Variants in EMSY observed in about 807,000 individuals in gnomAD.
EMSY encodes BRCA2-interacting transcriptional repressor EMSY.
In EMSY, 26 loss-of-function variants were observed where a neutral mutation model predicts 134.6. That is an observed-to-expected ratio of 0.19 (90% CI 0.14 to 0.27). The LOEUF is 0.27. Among genes scored for constraint, EMSY ranks in the 10% least tolerant of loss-of-function variants. EMSY has a pLI of 1.00. For synonymous variants in EMSY, 579 were observed against 577.8 expected (o/e 1.00, Z -0.03); for missense variants, 1,305 against 1,611.4 (o/e 0.81, Z 3.26).
At chr11:76,549,879 T>TC (rs1240498866) in intron 20 of EMSY, 73 bp from the exon 22 acceptor site, 32 of 1,316,554 alleles carry the variant, frequency 2.4e-5, no homozygotes, top group Admixed American at 4.7e-5. Flanking sequence ...TTTTTTTTTT[T>TC]CTTGATATTG....
chr11:76,544,009 C>T (rs192029125), intron 18 of EMSY, among the ~76,000 whole-genome samples: 2 of 152,280 alleles, frequency 1.3e-5, no homozygotes, highest in Non-Finnish European at 2.9e-5. Context: ...CCATCTTATT[C>T]TTCTAATCTG....
chr11:76,465,547 A>G (rs1232310026), intron 7 of EMSY, among the ~76,000 whole-genome samples: 1 of 146,456 alleles, frequency 6.8e-6, no homozygotes, highest in Non-Finnish European at 1.5e-5. Context: ...AGAGTTTTTC[A>G]TTTTTGCTCT....
intron 9 of EMSY, among the ~76,000 whole-genome samples, chr11:76,504,858 G>A (rs138497061): frequency 9.9e-5 from 15 of 152,260 alleles, no homozygotes; most frequent in African/African-American, 3.6e-4. Context: ...GCTACAAGAT[G>A]GATGAACCTC....
chr11:76,543,302 A>G (rs1951515328), intron 18 of EMSY, among the ~76,000 whole-genome samples: 1 of 152,262 alleles, frequency 6.6e-6, no homozygotes, highest in Non-Finnish European at 1.5e-5. Context: ...GTGCAAAGTC[A>G]TTATGGTATA....
At chr11:76,482,569 G>C (rs575173824) in intron 8 of EMSY, among the ~76,000 whole-genome samples, 1 of 152,196 alleles carries the variant, frequency 6.6e-6, no homozygotes, top group Non-Finnish European at 1.5e-5. Flanking sequence ...ACTTGATGGA[G>C]CTGAAAAACA....
chr11:76,448,272 A>G (rs1193601031), intron 2 of EMSY, among the ~76,000 whole-genome samples: 2 of 152,024 alleles, frequency 1.3e-5, no homozygotes, highest in Non-Finnish European at 2.9e-5. Flanking sequence ...TTTTAGCAGC[A>G]TCTTTTAAAG....
intron 4 of EMSY, 169 bp from the exon 6 acceptor site, chr11:76,458,014 T>C: frequency 2.0e-6 from 1 of 504,048 alleles, no homozygotes; most frequent in Non-Finnish European, 3.4e-6. Context: ...GTGACATTCC[T>C]TGAATTATAA....
intron 9 of EMSY, among the ~76,000 whole-genome samples, chr11:76,507,900 T>G (rs2136029647): frequency 6.6e-6 from 1 of 150,626 alleles, no homozygotes. Flanking sequence ...AGACATAGTC[T>G]GTCAGCCAGG....
intron 15 of EMSY, among the ~76,000 whole-genome samples, chr11:76,537,488 G>A (rs138872406): frequency 1.3e-5 from 2 of 152,174 alleles, no homozygotes; most frequent in African/African-American, 4.8e-5. Flanking sequence ...CTTGAAGAAG[G>A]GTATAGGAAA....
chr11:76,522,783 A>G (rs1000667287), intron 11 of EMSY, among the ~76,000 whole-genome samples: 2 of 152,160 alleles, frequency 1.3e-5, no homozygotes, highest in Non-Finnish European at 2.9e-5. Flanking sequence ...GGATTTTCCC[A>G]TCACTTCAGT....
chr11:76,543,997 G>A (rs978737208), intron 18 of EMSY, among the ~76,000 whole-genome samples: 1 of 152,108 alleles, frequency 6.6e-6, no homozygotes, highest in African/African-American at 2.4e-5. Flanking sequence ...GTGCTTGCAG[G>A]GCCATCTTAT....
rs530568709 is a variant in EMSY at position 76,509,669 on chromosome 11, G to C, written c.1364-3717G>C. Among the ~76,000 whole-genome samples the C allele has an allele frequency of 3.3e-5, 5 of 149,432 alleles. No individual in the cohort carries two copies. The South Asian group carries it at 6.2e-4, about 19-fold the overall frequency. On this transcript the variant is annotated intron_variant, in intron 9 of 20. Coordinates refer to ENST00000334736, the Ensembl canonical transcript of EMSY. ...ATCTCTAAGATACATTGTTAAAGGT[G>C]GGGGGGAAAGCAAGGTGCATGTGTT...
At chr11:76,537,266 T>C (rs758746647) in intron 15 of EMSY, among the ~76,000 whole-genome samples, 1 of 152,188 alleles carries the variant, frequency 6.6e-6, no homozygotes, top group Non-Finnish European at 1.5e-5. Context: ...AAAGAAGCCA[T>C]TTTTTTCTAA....
At chr11:76,526,195 A>G (rs1158280747) in intron 12 of EMSY, among the ~76,000 whole-genome samples, 1 of 152,130 alleles carries the variant, frequency 6.6e-6, no homozygotes, top group Non-Finnish European at 1.5e-5. Context: ...GGATAGTGTA[A>G]TAAGTATTTT....
rs1168661404 is a variant in EMSY, at chr11:76,526,527, C to T, written c.1887C>T (p.Pro629=). The T allele has an allele frequency of 2.5e-6, 4 of 1,613,824 alleles. No homozygotes were observed. In the South Asian group the frequency reaches 4.4e-5, roughly 18 times the overall value. Residue 629 remains proline (P), a synonymous_variant, in exon 13 of 21, where the codon CCC becomes CCT. Transcript: ENST00000334736. ...CAGCTATCCTTACTGCTACAAGACC[C>T]ATCACCAAAATGATTGTAACGCAGC...
chr11:76,546,148 G>A (rs1026688873), exon 20 of EMSY: 7 of 1,614,082 alleles, frequency 4.3e-6, no homozygotes, highest in Non-Finnish European at 5.1e-6. Context: ...GAAATGTAGA[G>A]AGTCCTGTTC....
intron 12 of EMSY, among the ~76,000 whole-genome samples, chr11:76,524,597 G>A (rs544070158): frequency 1.9e-4 from 29 of 152,300 alleles, no homozygotes; most frequent in African/African-American, 6.5e-4. Flanking sequence ...ATATGTAAGA[G>A]GGGATGCTTT....
intron 11 of EMSY, among the ~76,000 whole-genome samples, chr11:76,522,352 C>CTT (rs71040003): frequency 4.1e-4 from 18 of 44,246 alleles, no homozygotes; most frequent in Non-Finnish European, 5.3e-4. Context: ...GTTTACTTTG[C>CTT]TTTTTTTTTT....
At chr11:76,463,877 T>C (rs1321219232) in exon 7 of EMSY, 1 of 1,614,212 alleles carries the variant, frequency 6.2e-7, no homozygotes, top group Non-Finnish European at 8.5e-7. Context: ...AACAAACTCT[T>C]CCAGCTCCTC....
Sources: allele counts gnomAD v4.1 joint callset (sites outside exome capture counted in the v4.1 genomes callset), GRCh38; gene constraint gnomAD v4.1.1; transcripts MANE v1.5; gene names NCBI Gene and HGNC (gene_info 2026-07-23, HGNC 2026-07-21).